Variants in NAF1 observed in about 807,000 individuals in gnomAD.
NAF1 encodes H/ACA ribonucleoprotein complex non-core subunit NAF1.
In NAF1, 11 loss-of-function variants were observed where a neutral mutation model predicts 40.6. The ratio of observed to expected loss-of-function variants is 0.27; its 90% CI spans 0.17 to 0.45. The LOEUF (loss-of-function observed/expected upper bound fraction) is 0.45. Ranked by LOEUF, NAF1 falls within the 20% of genes least tolerant of loss-of-function variation. The pLI is 1.00. For synonymous variants in NAF1, 260 were observed against 228.5 expected (o/e 1.14, Z -1.24); for missense variants, 607 against 611.1 (o/e 0.99, Z 0.07).
chr4:163,141,386 T>C (rs969796659), intron 4 of NAF1, among the ~76,000 whole-genome samples: 2 of 152,192 alleles, frequency 1.3e-5, no homozygotes, highest in Admixed American at 6.5e-5. Flanking sequence ...GATAAGACCA[T>C]GATCAATGCC....
intron 1 of NAF1, among the ~76,000 whole-genome samples, chr4:163,165,839 T>C (rs1002038635): frequency 9.9e-5 from 15 of 152,206 alleles, no homozygotes; most frequent in African/African-American, 3.1e-4. Flanking sequence ...TAACACTGTT[T>C]GGCTACTTTC....
intron 5 of NAF1, among the ~76,000 whole-genome samples, chr4:163,137,893 A>G (rs1489870496): frequency 6.6e-6 from 1 of 152,198 alleles, no homozygotes; most frequent in Non-Finnish European, 1.5e-5. Flanking sequence ...GTGTAATTGC[A>G]GCTGAAAATC....
At chr4:163,126,351 G>A (rs953325111), downstream of NAF1, among the ~76,000 whole-genome samples, 2 of 152,132 alleles carry the variant, frequency 1.3e-5, no homozygotes, top group African/African-American at 4.8e-5. Context: ...AATATTAACA[G>A]GAGTTTGGGA....
downstream of NAF1, among the ~76,000 whole-genome samples, chr4:163,126,517 C>T (rs1363144360): frequency 6.6e-6 from 1 of 152,142 alleles, no homozygotes; most frequent in Non-Finnish European, 1.5e-5. Context: ...AAAACTTGAA[C>T]AGATGAGGAG....
chr4:163,118,045 T>G (rs1730404169), intron 2 of NAF1, among the ~76,000 whole-genome samples: 1 of 152,322 alleles, frequency 6.6e-6, no homozygotes, highest in South Asian at 2.1e-4. Flanking sequence ...TTCAGAGCCA[T>G]TTTTGATGAA....
intron 2 of NAF1, among the ~76,000 whole-genome samples, chr4:163,121,132 C>G (rs990633416): frequency 2.6e-5 from 4 of 152,174 alleles, no homozygotes; most frequent in Non-Finnish European, 5.9e-5. Flanking sequence ...CTCAAGTGAT[C>G]TGCCTGCCTC....
intron 2 of NAF1, among the ~76,000 whole-genome samples, chr4:163,150,418 C>T (rs1275549033): frequency 6.6e-6 from 1 of 152,086 alleles, no homozygotes; most frequent in Admixed American, 6.5e-5. Context: ...CTTTACTATG[C>T]AGATATAAAC....
At chr4:163,106,727 T>C (rs185649010), downstream of NAF1, among the ~76,000 whole-genome samples, 2 of 152,282 alleles carry the variant, frequency 1.3e-5, no homozygotes, top group Admixed American at 1.3e-4. Context: ...GTTAATCTTA[T>C]GTTTTCTGAG....
At chr4:163,106,574 A>G (rs1730052896), downstream of NAF1, among the ~76,000 whole-genome samples, 1 of 94,928 alleles carries the variant, frequency 1.1e-5, no homozygotes, top group Non-Finnish European at 2.2e-5. Flanking sequence ...AATAATATGA[A>G]TAGTAAATAG....
chr4:163,163,365 T>C (rs1168651662), intron 2 of NAF1, among the ~76,000 whole-genome samples: 2 of 152,174 alleles, frequency 1.3e-5, no homozygotes, highest in African/African-American at 4.8e-5. Context: ...TGAGTGCCTG[T>C]AGGCTTTAAT....
Position 163,166,781 on chromosome 4 carries a change from C to G in NAF1, c.-54G>C. On this transcript the variant is annotated 5_prime_UTR_variant, in exon 1 of 8. Transcript: ENST00000274054. ...CAGGATTGGGGCCCCTGGACAAGCTCACGGCTCTCTCCAGAAATAGAAAAA... is the reference window on the plus strand; with the variant it reads ...CAGGATTGGGGCCCCTGGACAAGCTGACGGCTCTCTCCAGAAATAGAAAAA... The G allele has an allele frequency of 6.2e-7, 1 of 1,603,244 alleles. No homozygotes were observed. The highest frequency in any genetic ancestry group is 8.5e-7 in the Non-Finnish European group (1 of 1,175,964).
At chr4:163,166,102 C>T (rs1395056780) in intron 1 of NAF1, among the ~76,000 whole-genome samples, 1 of 152,122 alleles carries the variant, frequency 6.6e-6, no homozygotes, top group Non-Finnish European at 1.5e-5. Flanking sequence ...AAAAATGATA[C>T]GATCTATACA....
At chr4:163,107,295 C>T (rs184236711), downstream of NAF1, among the ~76,000 whole-genome samples, 5 of 152,312 alleles carry the variant, frequency 3.3e-5, no homozygotes, top group African/African-American at 1.2e-4. Context: ...CACTTTGAGA[C>T]TCTTGCTACT....
chr4:163,105,809 C>T (rs527579236), downstream of NAF1, among the ~76,000 whole-genome samples: 1 of 152,236 alleles, frequency 6.6e-6, no homozygotes, highest in South Asian at 2.1e-4. Flanking sequence ...ATGTGGAAAA[C>T]ATGTTTATTT....
rs571778622 is a variant in NAF1, at chr4:163,113,567, T to C, written c.115-3277A>G. Among the ~76,000 whole-genome samples the C allele has an allele frequency of 6.6e-5, 10 of 150,584 alleles. No homozygotes were observed. The South Asian group carries it at 1.9e-3, about 29-fold the overall frequency. ...CACAGGATCAGACTTCAAGCTTGGT[T>C]TTCAGAAATTTTAACCCTGCAGCTA... is the stretch of plus-strand genomic sequence containing the variant. On this transcript the variant is annotated intron_variant, in intron 2 of 2. Coordinates refer to the NAF1 transcript ENST00000509434.
At chr4:163,117,680 T>TACACACACACACACAC (rs55869899) in intron 2 of NAF1, among the ~76,000 whole-genome samples, 1,820 of 134,884 alleles carry the variant, frequency 0.013, 54 homozygotes, top group African/African-American at 0.038. Context: ...CTGGAAGCAA[T>TACACACACACACACAC]ACACACACAC....
rs113585508 is a variant in NAF1, at chr4:163,141,071, A to G, written c.718-688T>C. ...TTCTTCTCAAAATACGTGAATTAAA[A>G]AATATATTTTCTGGCTGGGCGCAGT... On this transcript the variant is annotated intron_variant, in intron 4 of 7. Transcript: ENST00000274054. 4.1e-3 allele frequency among the ~76,000 whole-genome samples: 630 copies of G among 152,354 alleles called. 3 individuals are homozygous for G. Among genetic ancestry groups the G allele is most frequent in the African/African-American group, 0.014 (584 of 41,578 alleles).
At chr4:163,137,690 A>G (rs537025783) in intron 5 of NAF1, among the ~76,000 whole-genome samples, 32 of 152,312 alleles carry the variant, frequency 2.1e-4, no homozygotes, top group African/African-American at 7.7e-4. Flanking sequence ...AGAGATATCA[A>G]TATGAATTAT....
intron 2 of NAF1, among the ~76,000 whole-genome samples, chr4:163,120,119 C>A (rs1354458435): frequency 6.6e-6 from 1 of 152,234 alleles, no homozygotes; most frequent in Non-Finnish European, 1.5e-5. Flanking sequence ...ATCAAACAGA[C>A]ATTTGCAAGA....
Sources: allele counts gnomAD v4.1 joint callset (sites outside exome capture counted in the v4.1 genomes callset), GRCh38; gene constraint gnomAD v4.1.1; transcripts MANE v1.5; gene names NCBI Gene and HGNC (gene_info 2026-07-23, HGNC 2026-07-21).